KIFC3: variants seen among roughly 807,000 people sequenced by gnomAD.
KIFC3 encodes kinesin family member C3, also known as kinesin-like protein KIFC3.
A neutral mutation model predicts 101.8 loss-of-function variants in KIFC3; 60 were observed. That is an observed-to-expected ratio of 0.59 (90% confidence interval 0.48 to 0.73). The LOEUF (loss-of-function observed/expected upper bound fraction) is 0.73, where lower values mean the gene tolerates loss of function less well. KIFC3 is among the 30% of genes least tolerant of loss of function. The pLI, the probability that KIFC3 is intolerant of heterozygous loss-of-function variation, is 0.00. For synonymous variants in KIFC3, 476 were observed against 482.7 expected (o/e 0.99, Z 0.18); for missense variants, 966 against 1,137.1 (o/e 0.85, Z 2.16).
At chr16:57,798,027 A>C in intron 2 of KIFC3, 45 bp downstream of exon 2, 2 of 1,558,740 alleles carry the variant, frequency 1.3e-6, no homozygotes, top group South Asian at 2.4e-5. Context: ...TGGTATCTGG[A>C]GGAAGGAAGG....
At chr16:57,812,981 A>G (rs950172633) in intron 1 of KIFC3, among the ~76,000 whole-genome samples, 2 of 152,178 alleles carry the variant, frequency 1.3e-5, no homozygotes, top group Non-Finnish European at 2.9e-5. Flanking sequence ...AAACTGGCCA[A>G]TAAGAGGCAG....
intron 2 of KIFC3, among the ~76,000 whole-genome samples, chr16:57,797,415 C>G (rs1205851346): frequency 1.3e-5 from 2 of 152,244 alleles, no homozygotes; most frequent in African/African-American, 4.8e-5. Flanking sequence ...GGCCCTGAAT[C>G]AGAGAAGCCG....
Position 57,780,541 on chromosome 16 carries a change from T to C in KIFC3, c.316-8253A>G, listed in dbSNP as rs1469863688. 3.5e-5 allele frequency among the ~76,000 whole-genome samples: 5 copies of C among 141,846 alleles called. No individual in the cohort carries two copies. In the East Asian group the frequency reaches 8.2e-4, roughly 23 times the overall value. 93.1% of individuals were successfully genotyped at this position (141,846 alleles called of 152,430 possible). ...AAAAAATATATATATATGCTTAAGA[T>C]GGTAAATTTTATGTTACGTCTATTT... is the stretch of plus-strand genomic sequence containing the variant. On this transcript the variant is annotated intron_variant, in intron 3 of 19. Coordinates refer to ENST00000445690, the MANE Select transcript of KIFC3 (RefSeq NM_001130100.2).
upstream of KIFC3, chr16:57,802,542 A>C: frequency 1.0e-6 from 1 of 987,082 alleles, no homozygotes. This position sits in a 1 kb window ranked among gnomAD's most constrained non-coding sequence, Gnocchi z 5.0. Context: ...GCGCGTTCCC[A>C]TGGCAACCGG....
rs782391065 is a variant in KIFC3, at chr16:57,771,245, T to G, written c.718A>C (p.Ser240Arg). ...CGCAGGCTGGCAATGGTCTCGTGGC[T>G]GTCACGCAGGCGCCGACTAAGCCGC... ...EERLSRRLRDSHETIASLRAQ... is the reference protein window; with the variant it reads ...EERLSRRLRDRHETIASLRAQ... Residue 240 changes from serine to arginine, a missense_variant, in exon 6 of 20, where the codon AGC becomes CGC. Coordinates refer to ENST00000445690, the MANE Select transcript of KIFC3 (RefSeq NM_001130100.2). 6.2e-7 allele frequency: 1 copy of G among 1,613,222 alleles called. No individual in the cohort carries two copies. The highest frequency in any genetic ancestry group is 8.5e-7 in the Non-Finnish European group (1 of 1,180,008).
chr16:57,850,939 TTCCC>T (rs200742627), intron 1 of KIFC3, among the ~76,000 whole-genome samples: 85,486 of 139,842 alleles, frequency 0.61, 26,438 homozygotes, highest in East Asian at 0.7. Flanking sequence ...ACTTCTTTCC[TTCCC>T]TCCCTCCTTC....
chr16:57,826,354 G>A (rs1183402599), intron 1 of KIFC3, among the ~76,000 whole-genome samples: 3 of 152,140 alleles, frequency 2.0e-5, no homozygotes, highest in Non-Finnish European at 2.9e-5. Context: ...ACAGGTAATC[G>A]AGTTATTTCT....
intron 3 of KIFC3, among the ~76,000 whole-genome samples, chr16:57,777,536 C>T (rs923965165): frequency 5.3e-5 from 8 of 152,118 alleles, no homozygotes; most frequent in Admixed American, 1.3e-4. Flanking sequence ...CCCTGGCCAA[C>T]GTGACGAAAC....
Position 57,781,752 on chromosome 16 carries a change from C to T in KIFC3, c.316-9464G>A, listed in dbSNP as rs183836973. 6.7e-3 allele frequency: 1,161 copies of T among 173,416 alleles called. 6 individuals carry two copies. Among genetic ancestry groups the T allele is most frequent in the Middle Eastern group, 0.012 (4 of 344 alleles). 10.7% of individuals were successfully genotyped at this position (173,416 alleles called of 1,614,324 possible). On this transcript the variant is annotated intron_variant, in intron 3 of 19. Transcript: ENST00000445690. ...ATAAGACCATTTTTCATCCCCTATTCCCCTGAGGTAGGTACTATTATTATC... is the reference window on the plus strand; with the variant it reads ...ATAAGACCATTTTTCATCCCCTATTTCCCTGAGGTAGGTACTATTATTATC...
In KIFC3 at chr16:57,770,651, AG is replaced by A; in HGVS notation, c.814del (p.Leu272SerfsTer22). 1 of 1,559,548 alleles carries A rather than the reference AG, an allele frequency of 6.4e-7. No individual in the cohort carries two copies. The highest frequency in any genetic ancestry group is 1.2e-5 in the South Asian group (1 of 83,646). On this transcript the variant is annotated frameshift_variant, in exon 7 of 20. Coordinates refer to ENST00000445690, the MANE Select transcript of KIFC3 (RefSeq NM_001130100.2). LOFTEE classifies it high-confidence loss of function. Reference sequence around the variant, plus strand: ...CTGGTTCCGGGCCTGGGACTCGCTGAGGGCCTGCTTGGTCTTGGACGACTCC... The same window carrying A: ...CTGGTTCCGGGCCTGGGACTCGCTGAGGCCTGCTTGGTCTTGGACGACTCC... Reference protein sequence around the residue: ...EVESSKTKQALSESQARNQHL... With the variant: ...EVESSKTKQAXSESQARNQHL...
intron 1 of KIFC3, chr16:57,815,748 C>T (rs1555628658): frequency 3.9e-6 from 4 of 1,014,142 alleles, no homozygotes; most frequent in Non-Finnish European, 5.4e-6. Flanking sequence ...ATGGCTTGTC[C>T]CACGGCCAAG....
chr16:57,802,439 A>C lies in KIFC3; in HGVS notation c.-109T>G, dbSNP rs2054799242. 1.0e-6 allele frequency: 1 copy of C among 982,750 alleles called. No individual in the cohort carries two copies. Among genetic ancestry groups the C allele is most frequent in the African/African-American group, 1.8e-5 (1 of 56,982 alleles). 60.9% of individuals were successfully genotyped at this position (982,750 alleles called of 1,614,324 possible). Reference sequence around the variant, plus strand: ...GCTCGGCCCGGCCCGGCCCGCCGGCAGGAGGCAGCTCCACGCCGCCGCCTC... The same window carrying C: ...GCTCGGCCCGGCCCGGCCCGCCGGCCGGAGGCAGCTCCACGCCGCCGCCTC... On this transcript the variant is annotated 5_prime_UTR_variant, in exon 1 of 20. Coordinates refer to ENST00000445690, the MANE Select transcript of KIFC3 (RefSeq NM_001130100.2). The surrounding 1 kb of genome is among the most constrained non-coding windows in gnomAD (Gnocchi z 5.0).
At position 57,861,159 on chromosome 16, in the gene KIFC3, G is replaced by A. The variant is rs539910376; in HGVS notation, c.108+1570C>T. 3.3e-5 allele frequency among the ~76,000 whole-genome samples: 5 copies of A among 152,270 alleles called. No homozygotes were observed. The South Asian group carries it at 1.0e-3, about 32-fold the overall frequency. On this transcript the variant is annotated intron_variant, in intron 1 of 2. Coordinates refer to the KIFC3 transcript ENST00000563028. ...TACTGATTTCCACAAGAATTTATAT[G>A]TGTACTATTATCTTTAAAGCAAAAC...
intron 3 of KIFC3, among the ~76,000 whole-genome samples, chr16:57,782,813 G>C (rs781832168): frequency 6.6e-6 from 1 of 152,242 alleles, no homozygotes; most frequent in Non-Finnish European, 1.5e-5. Flanking sequence ...AGGCATGGTA[G>C]TGAATGCCTG....
At chr16:57,856,199 G>A (rs2056164035) in intron 1 of KIFC3, among the ~76,000 whole-genome samples, 1 of 151,446 alleles carries the variant, frequency 6.6e-6, no homozygotes, top group Non-Finnish European at 1.5e-5. Context: ...GAAAAAAAAA[G>A]GCTGGGCACA....
At chr16:57,763,540 C>T (rs2050106898) in intron 12 of KIFC3, among the ~76,000 whole-genome samples, 1 of 152,136 alleles carries the variant, frequency 6.6e-6, no homozygotes, top group Non-Finnish European at 1.5e-5. Context: ...GGCTAGCTTT[C>T]CACTGCCCTC....
At chr16:57,795,454 A>C (rs877074) in intron 2 of KIFC3, among the ~76,000 whole-genome samples, 139,557 of 152,296 alleles carry the variant, frequency 0.92, 64,535 homozygotes, top group Middle Eastern at 0.97. Flanking sequence ...CTCAGCAGGG[A>C]AGTGGAAGGA....
intron 1 of KIFC3, among the ~76,000 whole-genome samples, chr16:57,834,008 G>A (rs782495832): frequency 6.6e-5 from 10 of 151,502 alleles, no homozygotes; most frequent in South Asian, 2.1e-4. Context: ...GATTACAGGC[G>A]CGTGCCACCA....
chr16:57,794,301 C>A (rs1352750942), intron 3 of KIFC3, among the ~76,000 whole-genome samples: 1 of 151,482 alleles, frequency 6.6e-6, no homozygotes, highest in Non-Finnish European at 1.5e-5. Flanking sequence ...GGTGCAATCA[C>A]TGCAGCCTCA....
Sources: gnomAD v4.1 joint callset for allele counts (sites outside exome capture counted in the v4.1 genomes callset) on GRCh38, gnomAD v4.1.1 for gene constraint, Gnocchi (gnomAD v3.1) non-coding constraint, MANE v1.5 for transcripts, NCBI Gene and HGNC (gene_info 2026-07-23, HGNC 2026-07-21) for gene names.